The following ACIN1 variants were observed in gnomAD, a reference collection of about 807,000 sequenced individuals.
ACIN1 encodes apoptotic chromatin condensation inducer 1, also known as apoptotic chromatin condensation inducer in the nucleus.
ACIN1 carries 16 observed loss-of-function variants against 146.6 expected under a neutral mutation model. The ratio of observed to expected loss-of-function variants is 0.11; its 90% CI spans 0.07 to 0.17. ACIN1 has a LOEUF of 0.17. Ranked by LOEUF, ACIN1 falls within the 10% of genes least tolerant of loss-of-function variation. The pLI, the probability that ACIN1 is intolerant of heterozygous loss-of-function variation, is 1.00. For synonymous variants in ACIN1, 569 were observed against 582.7 expected (o/e 0.98, Z 0.34); for missense variants, 1,357 against 1,609.3 (o/e 0.84, Z 2.68).
At position 23,059,266 on chromosome 14, in the gene ACIN1, T is replaced by C. The variant is rs146698192; in HGVS notation, c.3734A>G (p.Asp1245Gly). 6.2e-7 allele frequency: 1 copy of C among 1,610,530 alleles called. No homozygotes were observed. The highest frequency in any genetic ancestry group is 1.3e-5 in the African/African-American group (1 of 74,804). The part of the protein sequence containing the change: ...RERERDRGDR[D>G]RDRERDRERG... ...TTCTCGGTCCCTTTCCCTATCCCGA[T>C]CTCGGTCCCCCCTGTCCCGCTCCCT... The change falls in exon 19 of 19, where the codon GAT becomes GGT. Residue 1245 changes from aspartate to glycine, a missense_variant. Physicochemically the swap from Asp to Gly is moderately conservative, Grantham distance 94. Transcript: ENST00000605057.
Position 23,067,140 on chromosome 14 carries a change from A to C in ACIN1, c.2266-1132T>G, listed in dbSNP as rs2047484664. On this transcript the variant is annotated intron_variant, in intron 9 of 18. Coordinates refer to ENST00000605057, the MANE Select transcript of ACIN1 (RefSeq NM_001386863.1). This position sits in a 1 kb window ranked among gnomAD's most constrained non-coding sequence, Gnocchi z 4.6. ...GGTAAGTTAGTGAGAAAAACAAAACAAAAAAAAAGGTCTTAATTAAAACAG... is the reference window on the plus strand; with the variant it reads ...GGTAAGTTAGTGAGAAAAACAAAACCAAAAAAAAGGTCTTAATTAAAACAG... Among the ~76,000 whole-genome samples the C allele has an allele frequency of 6.6e-6, 1 of 151,188 alleles. No individual in the cohort carries two copies. Among genetic ancestry groups the C allele is most frequent in the South Asian group, 2.1e-4 (1 of 4,770 alleles).
chr14:23,061,483 T>G lies in ACIN1; in HGVS notation c.3239A>C (p.Gln1080Pro). Residue 1080 changes from glutamine to proline, a missense_variant, in exon 17 of 19, where the codon CAG becomes CCG. Physicochemically the swap from Gln to Pro is moderately conservative, Grantham distance 76. Coordinates refer to ENST00000605057, the MANE Select transcript of ACIN1 (RefSeq NM_001386863.1). ...PQHPRAEQRE[Q>P]ERAVREQWAE... ...CCACTGTTCCCGCACTGCCCGTTCC[T>G]GCTCCCGCTGCTCTGCCCGGGGGTG... is the stretch of plus-strand genomic sequence containing the variant. 1.5e-6 allele frequency: 2 copies of G among 1,361,624 alleles called. No individual in the cohort carries two copies. The highest frequency in any genetic ancestry group is 2.0e-6 in the Non-Finnish European group (2 of 1,023,016). 84.3% of individuals were successfully genotyped at this position (1,361,624 alleles called of 1,614,324 possible). A position where few individuals can be genotyped will look rare whatever the true frequency, so the allele number is the denominator to read the frequency against.
chr14:23,092,631 A>AT (rs772381359), intron 2 of ACIN1, among the ~76,000 whole-genome samples: 23 of 152,242 alleles, frequency 1.5e-4, no homozygotes, highest in Non-Finnish European at 2.8e-4. Context: ...AAAGACTTGG[A>AT]TTTTTCCTTT....
upstream of ACIN1, chr14:23,095,253 C>T (rs781308759): frequency 1.2e-6 from 2 of 1,606,190 alleles, no homozygotes; most frequent in South Asian, 2.2e-5. Flanking sequence ...CCCCGGGTTC[C>T]TCCGGATGTC....
At chr14:23,086,698 G>A (rs543118985) in intron 4 of ACIN1, among the ~76,000 whole-genome samples, 17 of 152,066 alleles carry the variant, frequency 1.1e-4, no homozygotes, top group African/African-American at 4.1e-4. Context: ...TGTTGCTCAG[G>A]CCAATCTCCT....
chr14:23,064,089 G>A lies in ACIN1; in HGVS notation c.2595+16C>T, dbSNP rs770053332. 3.1e-6 allele frequency: 5 copies of A among 1,613,650 alleles called. No individual in the cohort carries two copies. The highest frequency in any genetic ancestry group is 1.3e-5 in the African/African-American group (1 of 75,014). ...GCTCCCACCTTTCCCCTGACACTGG[G>A]GTGCAGAAGCCTTACCTGAGTGACT... On this transcript the variant is annotated intron_variant, in intron 12 of 18. Coordinates refer to ENST00000605057, the MANE Select transcript of ACIN1 (RefSeq NM_001386863.1).
upstream of ACIN1, chr14:23,095,605 G>T (rs915753242): frequency 1.4e-5 from 5 of 352,224 alleles, no homozygotes; most frequent in Admixed American, 2.3e-4. Flanking sequence ...GGTGCCCTTC[G>T]AGAGAAAAGG....
intron 8 of ACIN1, chr14:23,071,292 C>T (rs1390137288): frequency 6.7e-7 from 1 of 1,498,118 alleles, no homozygotes; most frequent in African/African-American, 1.4e-5. Flanking sequence ...TCCTCCCCAG[C>T]CACCCGATCC....
rs377765832 is a variant in ACIN1, at chr14:23,061,566, C to A, written c.3156G>T (p.Glu1052Asp). The A allele has an allele frequency of 5.1e-6, 8 of 1,571,642 alleles. No homozygotes were observed. In the African/African-American group the frequency reaches 6.8e-5, roughly 13 times the overall value. Residue 1052 changes from glutamate (E) to aspartate (D), a missense_variant, in exon 17 of 19, where the codon GAG becomes GAT. Coordinates refer to ENST00000605057, the MANE Select transcript of ACIN1 (RefSeq NM_001386863.1). Reference protein sequence around the residue: ...VDRPSETKTEEQGIPRPLHPP... With the variant: ...VDRPSETKTEDQGIPRPLHPP... ...GGTGCAGGGGCCGTGGTATTCCCTG[C>A]TCCTCTGTCTTAGTTTCAGAGGGAC... is the stretch of plus-strand genomic sequence containing the variant.
In ACIN1 at chr14:23,079,767, G is replaced by A. The variant is rs762153417; in HGVS notation, c.1568C>T (p.Ser523Phe). 4.3e-6 allele frequency: 7 copies of A among 1,614,156 alleles called. No individual in the cohort carries two copies. The highest frequency in any genetic ancestry group is 5.9e-6 in the Non-Finnish European group (7 of 1,180,024). The change falls in exon 6 of 19, where the codon TCC becomes TTC. Residue 523 changes from serine (S) to phenylalanine (F), a missense_variant. This residue lies in a region of ACIN1 where 771 missense variants were observed against 746.6 expected (regional missense o/e 1.03). Coordinates refer to ENST00000605057, the MANE Select transcript of ACIN1 (RefSeq NM_001386863.1). ...AGAACTGGAGGAGGAAGATGAGGAGGACCGGCTAGAGGATGAATCAGCTGA... is the reference window on the plus strand; with the variant it reads ...AGAACTGGAGGAGGAAGATGAGGAGAACCGGCTAGAGGATGAATCAGCTGA... Reference protein sequence around the residue: ...KQSADSSSSRSSSSSSSSSRS... With the variant: ...KQSADSSSSRFSSSSSSSSRS...
At chr14:23,084,459 T>G (rs953978225) in intron 4 of ACIN1, among the ~76,000 whole-genome samples, 2 of 151,592 alleles carry the variant, frequency 1.3e-5, no homozygotes, top group Admixed American at 6.6e-5. Flanking sequence ...ACAAAAAAAA[T>G]TTTAGCTGGG....
At chr14:23,092,727 T>C (rs1463853991) in intron 2 of ACIN1, among the ~76,000 whole-genome samples, 1 of 152,226 alleles carries the variant, frequency 6.6e-6, no homozygotes, top group African/African-American at 2.4e-5. Flanking sequence ...TTTTGGATTT[T>C]AACTGTGGAA....
At chr14:23,060,638 A>C (rs1295843633) in intron 18 of ACIN1, among the ~76,000 whole-genome samples, 2 of 152,032 alleles carry the variant, frequency 1.3e-5, no homozygotes, top group African/African-American at 4.8e-5. Context: ...CAGCCTCCCA[A>C]GTAGCTGGGA....
intron 8 of ACIN1, chr14:23,070,993 C>G: frequency 9.5e-7 from 1 of 1,048,446 alleles, no homozygotes; most frequent in Non-Finnish European, 1.4e-6. Flanking sequence ...GCAGGCAGGA[C>G]AAAGGGGGAA....
Position 23,095,039 on chromosome 14 carries a change from G to C in ACIN1, c.74C>G (p.Ala25Gly). 1 of 1,613,256 alleles carries C rather than the reference G, an allele frequency of 6.2e-7. No individual in the cohort carries two copies. Among genetic ancestry groups the C allele is most frequent in the Non-Finnish European group, 8.5e-7 (1 of 1,180,040 alleles). The change falls in exon 1 of 19, where the codon GCA (alanine) becomes GGA (glycine). Residue 25 changes from alanine to glycine, a missense_variant. Around this residue, in one of 4 missense-constraint regions of ACIN1, gnomAD observed 55 missense variants for 123.9 expected, o/e 0.44. Coordinates refer to ENST00000605057, the MANE Select transcript of ACIN1 (RefSeq NM_001386863.1). Reference protein sequence around the residue: ...QALRVTDLKAALEQRGLAKSG... With the variant: ...QALRVTDLKAGLEQRGLAKSG... ...CTTGGCTAGGCCTCGCTGCTCCAGT[G>C]CGGCCTTCAGGTCGGTCACCCGCAG...
chr14:23,090,993 C>T (rs111866419), intron 2 of ACIN1, among the ~76,000 whole-genome samples: 20,190 of 152,142 alleles, frequency 0.13, 1,483 homozygotes, highest in South Asian at 0.21. Flanking sequence ...CAACCTCTGC[C>T]TCCTGGCTTC....
chr14:23,083,999 T>A (rs1594778854), intron 4 of ACIN1, among the ~76,000 whole-genome samples: 1 of 151,264 alleles, frequency 6.6e-6, no homozygotes, highest in African/African-American at 2.4e-5. Context: ...CAGGCTGGAG[T>A]GCAATGGCAC....
At position 23,095,061 on chromosome 14, in the gene ACIN1, G is replaced by A; in HGVS notation, c.52C>T (p.Arg18Trp). 6.2e-7 allele frequency: 1 copy of A among 1,613,882 alleles called. No individual in the cohort carries two copies. The highest frequency in any genetic ancestry group is 2.2e-5 in the East Asian group (1 of 44,884). ...TLDGKPLQAL[R>W]VTDLKAALEQ... ...AGTGCGGCCTTCAGGTCGGTCACCC[G>A]CAGCGCCTGAAGAGGCTTCCCGTCC... Residue 18 changes from arginine (R) to tryptophan (W), a missense_variant, in exon 1 of 19, where the codon CGG becomes TGG. Coordinates refer to ENST00000605057, the MANE Select transcript of ACIN1 (RefSeq NM_001386863.1).
intron 1 of ACIN1, 175 bp downstream of exon 1, chr14:23,094,800 G>A: frequency 1.0e-6 from 1 of 991,978 alleles, no homozygotes; most frequent in Non-Finnish European, 1.4e-6. Flanking sequence ...GGGAACCGGC[G>A]CGATCTCCAT....
Sources: gnomAD v4.1 joint callset for allele counts (sites outside exome capture counted in the v4.1 genomes callset) on GRCh38, gnomAD v4.1.1 for gene constraint, gnomAD v4.1.1 regional missense constraint, Gnocchi (gnomAD v3.1) non-coding constraint, MANE v1.5 for transcripts, NCBI Gene and HGNC (gene_info 2026-07-23, HGNC 2026-07-21) for gene names.